The following OTUD7A variants were observed in gnomAD, a reference collection of about 807,000 sequenced individuals.
OTUD7A encodes the protein OTU domain-containing protein 7A.
A neutral mutation model predicts 65.7 loss-of-function variants in OTUD7A; 12 were observed. The observed-to-expected ratio is 0.18, with a 90% CI of 0.12 to 0.30. OTUD7A has a LOEUF of 0.30. Ranked by LOEUF, OTUD7A falls within the 10% of genes least tolerant of loss-of-function variation. The pLI, the probability that OTUD7A is intolerant of heterozygous loss-of-function variation, is 1.00. For missense variants in OTUD7A, 1,148 were observed against 1,304.8 expected, an observed-to-expected ratio of 0.88 and a Z score of 1.85; for synonymous variants, 641 against 586.3, an observed-to-expected ratio of 1.09 and a Z score of -1.35.
rs2041045232 is a variant in OTUD7A at position 31,477,761 on chromosome 15, C to G, written c.*5533G>C. On this transcript the variant is annotated 3_prime_UTR_variant, in exon 13 of 13. Transcript: ENST00000307050. ...GCAATGAGCAAGACATATAAAAGTT[C>G]CTGCCCACATGGAGCTTACAGTCTA... The G allele has an allele frequency of 6.6e-6, 1 of 152,134 alleles. No individual in the cohort carries two copies. Among genetic ancestry groups the G allele is most frequent in the Non-Finnish European group, 1.5e-5 (1 of 68,032 alleles). 9.4% of individuals were successfully genotyped at this position (152,134 alleles called of 1,614,324 possible).
intron 5 of OTUD7A, among the ~76,000 whole-genome samples, chr15:31,543,419 TA>T (rs1888042206): frequency 6.6e-6 from 1 of 151,852 alleles, no homozygotes; most frequent in African/African-American, 2.4e-5. Flanking sequence ...GCAATTGCAT[TA>T]AAAATAAATG....
intron 1 of OTUD7A, among the ~76,000 whole-genome samples, chr15:31,797,108 G>A (rs944165051): frequency 1.3e-5 from 2 of 152,144 alleles, no homozygotes; most frequent in African/African-American, 2.4e-5. Flanking sequence ...AGATGTTCCA[G>A]GAGCTCCTCA....
chr15:31,832,015 T>C (rs1440930001), intron 1 of OTUD7A, among the ~76,000 whole-genome samples: 2 of 152,262 alleles, frequency 1.3e-5, no homozygotes, highest in African/African-American at 2.4e-5. Flanking sequence ...GTGAGTGTTC[T>C]GTATCTTGAT....
At chr15:31,768,177 C>T in intron 1 of OTUD7A, 4 of 1,402,146 alleles carry the variant, frequency 2.9e-6, no homozygotes, top group East Asian at 4.6e-5. Flanking sequence ...CGATAAGGCC[C>T]GGGAGGCACA....
Position 31,569,956 on chromosome 15 carries a change from G to A in OTUD7A, c.331+62C>T, listed in dbSNP as rs566750273. 4.4e-5 allele frequency: 69 copies of A among 1,576,594 alleles called. No homozygotes were observed. Among genetic ancestry groups the A allele is most frequent in the Non-Finnish European group, 5.0e-5 (58 of 1,157,134 alleles). ...CACCATTCTTTGTACCACGCAACCC[G>A]CCTGCAAGCTGCGGTGCACTGGCCT... On this transcript the variant is annotated intron_variant, in intron 4 of 12. Coordinates refer to ENST00000307050, the MANE Select transcript of OTUD7A (RefSeq NM_001382637.1).
intron 1 of OTUD7A, among the ~76,000 whole-genome samples, chr15:31,786,829 A>G (rs1034096944): frequency 6.6e-6 from 1 of 152,158 alleles, no homozygotes; most frequent in Non-Finnish European, 1.5e-5. Flanking sequence ...GTTCTGACCC[A>G]GGACCCCGCA....
intron 1 of OTUD7A, among the ~76,000 whole-genome samples, chr15:31,678,966 C>T (rs2141303415): frequency 6.6e-6 from 1 of 152,220 alleles, no homozygotes; most frequent in East Asian, 1.9e-4. Flanking sequence ...AGGAGCGGGT[C>T]TATACCCTGC....
At chr15:31,775,774 C>T (rs997181469) in intron 1 of OTUD7A, among the ~76,000 whole-genome samples, 1 of 151,914 alleles carries the variant, frequency 6.6e-6, no homozygotes, top group Non-Finnish European at 1.5e-5. Flanking sequence ...GGGCAGGAGG[C>T]GAGAAAGGGA....
At chr15:31,797,477 C>G (rs1895998959) in intron 1 of OTUD7A, among the ~76,000 whole-genome samples, 1 of 152,192 alleles carries the variant, frequency 6.6e-6, no homozygotes, top group African/African-American at 2.4e-5. Flanking sequence ...TCTGGCTTTG[C>G]TCTCAGCACC....
chr15:31,696,855 G>A (rs866169576), intron 1 of OTUD7A, among the ~76,000 whole-genome samples: 2,043 of 150,220 alleles, frequency 0.014, 54 homozygotes, highest in African/African-American at 0.048. Flanking sequence ...GGAGTGGGGA[G>A]TCCAAGCATC....
rs1393243920 is a variant in OTUD7A at position 31,483,557 on chromosome 15, TC to T, written c.2538del (p.Thr847ArgfsTer140). The T allele has an allele frequency of 3.1e-6, 4 of 1,298,912 alleles. No individual in the cohort carries two copies. Among genetic ancestry groups the T allele is most frequent in the Non-Finnish European group, 2.0e-6 (2 of 1,022,168 alleles). The allele number at this position is 1,298,912 out of a possible 1,614,324, so 80.5% of individuals were successfully genotyped here. A position where few individuals can be genotyped will look rare whatever the true frequency, so the allele number is the denominator to read the frequency against. ...AVPGALPGAA[G>X]TAGAAEHKSQ... ...GACTTGTGCTCGGCCGCCCCCGCCG[TC>T]CCCGCCGCGCCCGGTAGGGCCCCGG... On this transcript the variant is annotated frameshift_variant, in exon 13 of 13. Transcript: ENST00000307050. LOFTEE classifies it high-confidence loss of function.
chr15:31,583,619 C>T (rs1053309039), intron 3 of OTUD7A, among the ~76,000 whole-genome samples: 68 of 151,930 alleles, frequency 4.5e-4, no homozygotes, highest in African/African-American at 1.6e-3. Context: ...TTCTCATTCT[C>T]TCTCTTGCCT....
intron 5 of OTUD7A, among the ~76,000 whole-genome samples, chr15:31,552,031 T>C (rs2141147972): frequency 6.6e-6 from 1 of 152,326 alleles, no homozygotes; most frequent in Admixed American, 6.5e-5. Flanking sequence ...GGATTCGTCA[T>C]GAATGGCAGG....
At chr15:31,580,857 T>C (rs1889350529) in intron 3 of OTUD7A, among the ~76,000 whole-genome samples, 1 of 152,094 alleles carries the variant, frequency 6.6e-6, no homozygotes, top group South Asian at 2.1e-4. Flanking sequence ...AGCCAAACCA[T>C]ATAATTCCAC....
chr15:31,834,340 G>A (rs1448310046), intron 1 of OTUD7A, among the ~76,000 whole-genome samples: 3 of 152,204 alleles, frequency 2.0e-5, no homozygotes, highest in Non-Finnish European at 4.4e-5. Context: ...GAGATGGCAG[G>A]ATGACCGCCA....
chr15:31,484,518 G>A lies in OTUD7A; in HGVS notation c.1578C>T (p.Ser526=), dbSNP rs376362683. ...RADSVANKLG[S]FSKTLGIKLK... ...GCTTGATGCCCAGCGTCTTGCTGAA[G>A]CTGCCCAGCTTGTTGGCCACGGAGT... is the stretch of plus-strand genomic sequence containing the variant. The change falls in exon 13 of 13, where the codon AGC becomes AGT. Residue 526 remains serine, a synonymous_variant. Transcript: ENST00000307050. This position sits in a 1 kb window ranked among gnomAD's most constrained non-coding sequence, Gnocchi z 4.5. 6.5e-5 allele frequency: 105 copies of A among 1,610,382 alleles called. No individual in the cohort carries two copies. Among genetic ancestry groups the A allele is most frequent in the Non-Finnish European group, 8.5e-5 (100 of 1,180,004 alleles).
chr15:31,497,186 C>G (rs2041398808), intron 10 of OTUD7A, among the ~76,000 whole-genome samples: 1 of 152,152 alleles, frequency 6.6e-6, no homozygotes, highest in Non-Finnish European at 1.5e-5. Flanking sequence ...CCTGGATATG[C>G]CTCAGAGGCT....
intron 6 of OTUD7A, among the ~76,000 whole-genome samples, chr15:31,528,262 G>A (rs894228192): frequency 6.6e-6 from 1 of 152,320 alleles, no homozygotes; most frequent in South Asian, 2.1e-4. Flanking sequence ...GGAGACATAG[G>A]AGCAAAGGCT....
intron 5 of OTUD7A, among the ~76,000 whole-genome samples, chr15:31,553,774 C>T (rs1888403162): frequency 1.3e-5 from 2 of 152,060 alleles, no homozygotes; most frequent in African/African-American, 4.8e-5. Context: ...TGCACTACCA[C>T]CCCCACGACC....
Sources: gnomAD v4.1 joint callset for allele counts (sites outside exome capture counted in the v4.1 genomes callset) on GRCh38, gnomAD v4.1.1 for gene constraint, Gnocchi (gnomAD v3.1) non-coding constraint, MANE v1.5 for transcripts, NCBI Gene and HGNC (gene_info 2026-07-23, HGNC 2026-07-21) for gene names.